The following TAS1R1 variants were observed in gnomAD, a reference collection of about 807,000 sequenced individuals.
TAS1R1 encodes the protein taste receptor type 1 member 1.
Under a neutral mutation model 45.8 loss-of-function variants are expected in TAS1R1, and 31 were observed. That is an observed-to-expected ratio of 0.68 (90% CI 0.51 to 0.91). TAS1R1 has a LOEUF of 0.91. Ranked by LOEUF, TAS1R1 falls within the 40% of genes least tolerant of loss-of-function variation. The probability of loss-of-function intolerance (pLI) is 0.00; values close to 1 mark genes in which losing one functional copy is unlikely to be tolerated. For missense variants in TAS1R1, 1,051 were observed against 1,063.9 expected (o/e 0.99, Z 0.17); for synonymous variants, 437 against 448.4 (o/e 0.97, Z 0.32).
chr1:6,567,503 T>A (rs1226415840), intron 1 of TAS1R1, among the ~76,000 whole-genome samples: 1 of 149,032 alleles, frequency 6.7e-6, no homozygotes, highest in Non-Finnish European at 1.5e-5. Flanking sequence ...GAGCTTGCAG[T>A]GAGCCGAGAT....
At chr1:6,555,804 G>A (rs552032656) in intron 1 of TAS1R1, among the ~76,000 whole-genome samples, 3 of 151,178 alleles carry the variant, frequency 2.0e-5, no homozygotes, top group Non-Finnish European at 4.4e-5. Context: ...ATTGAAATTG[G>A]TTCTTGGCTT....
chr1:6,566,841 C>T (rs932096834), intron 1 of TAS1R1, among the ~76,000 whole-genome samples: 26 of 152,148 alleles, frequency 1.7e-4, no homozygotes, highest in Admixed American at 5.9e-4. Context: ...GTGATCTGCC[C>T]GCCTCGGCCT....
chr1:6,575,116 G>A lies in TAS1R1; in HGVS notation c.984G>A (p.Lys328=), dbSNP rs770060397. 2.5e-6 allele frequency: 4 copies of A among 1,585,812 alleles called. No individual in the cohort carries two copies. The Admixed American group carries it at 7.1e-5, about 28-fold the overall frequency. Residue 328 remains lysine (K), a synonymous_variant, in exon 3 of 6, where the codon AAG becomes AAA. Transcript: ENST00000333172. ...IGMVLGVAIQ[K]RAVPGLKAFE... is the part of the protein sequence containing the mutation. ...TGGTGCTGGGCGTGGCCATCCAGAA[G>A]AGGGCTGTCCCTGGCCTGAAGGCGT...
chr1:6,577,267 C>T (rs1434058606), intron 5 of TAS1R1, among the ~76,000 whole-genome samples, 197 bp downstream of exon 5: 2 of 152,248 alleles, frequency 1.3e-5, no homozygotes, highest in African/African-American at 2.4e-5. Flanking sequence ...GGTGCGGTGG[C>T]TCATGCCTGT....
chr1:6,579,301 T>A lies in TAS1R1; in HGVS notation c.2243T>A (p.Leu748Gln). The change falls in exon 6 of 6, where the codon CTG (leucine) becomes CAG (glutamine). Residue 748 changes from leucine to glutamine, a missense_variant. Physicochemically the swap from Leu to Gln is moderately radical, Grantham distance 113 (BLOSUM62 -2). Transcript: ENST00000333172. ...ATCAGTGCCTTTGCCTGCAGCTACC[T>A]GGGTAAGGACTTGCCAGAGAACTAC... ...LSISAFACSY[L>Q]GKDLPENYNE... 1 of 1,614,198 alleles carries A rather than the reference T, an allele frequency of 6.2e-7. No homozygotes were observed.
intron 1 of TAS1R1, among the ~76,000 whole-genome samples, chr1:6,562,669 C>T (rs767971044): frequency 1.3e-5 from 2 of 152,124 alleles, no homozygotes; most frequent in Non-Finnish European, 2.9e-5. Flanking sequence ...TCTGCGTTGA[C>T]GGACTTGAGC....
Position 6,579,069 on chromosome 1 carries a change from C to T in TAS1R1, c.2011C>T (p.His671Tyr). The T allele has an allele frequency of 6.2e-7, 1 of 1,613,498 alleles. No homozygotes were observed. The highest frequency in any genetic ancestry group is 8.5e-7 in the Non-Finnish European group (1 of 1,179,498). Residue 671 changes from histidine (H) to tyrosine (Y), a missense_variant, in exon 6 of 6, where the codon CAC (histidine) becomes TAC (tyrosine). His to Tyr is a moderately conservative substitution (Grantham distance 83, BLOSUM62 2). Transcript: ENST00000333172. ...KFSTKVPTFY[H>Y]AWVQNHGAGL... is the part of the protein sequence containing the mutation. ...TTCCACCAAGGTACCTACATTCTACCACGCCTGGGTCCAAAACCACGGTGC... is the reference window on the plus strand; with the variant it reads ...TTCCACCAAGGTACCTACATTCTACTACGCCTGGGTCCAAAACCACGGTGC...
In TAS1R1 at chr1:6,579,598, A is replaced by G; in HGVS notation, c.*14A>G. 6.3e-7 allele frequency: 1 copy of G among 1,589,360 alleles called. No individual in the cohort carries two copies. The highest frequency in any genetic ancestry group is 1.1e-5 in the South Asian group (1 of 89,446). On this transcript the variant is annotated 3_prime_UTR_variant, in exon 6 of 6. Coordinates refer to ENST00000333172, the MANE Select transcript of TAS1R1 (RefSeq NM_138697.4). ...GGCTCCACCTGACCAGTGGGTCAGC[A>G]GGCACGGCTGGCAGCCTTCTCTGCC... is the stretch of plus-strand genomic sequence containing the variant.
At chr1:6,576,748 T>G in intron 4 of TAS1R1, 121 bp downstream of exon 4, 1 of 1,384,682 alleles carries the variant, frequency 7.2e-7, no homozygotes, top group Non-Finnish European at 9.9e-7. Context: ...CTGCCACCAC[T>G]CTACCCATCC....
In TAS1R1 at chr1:6,574,814, C is replaced by T. The variant is rs373270644; in HGVS notation, c.682C>T (p.Leu228=). ...DDYGQLGVQA[L]ENQATGQGIC... The stretch of plus-strand genomic sequence containing the variant: ...CTATGGGCAGCTAGGGGTGCAGGCA[C>T]TGGAGAACCAGGCCACTGGTCAGGG... Residue 228 remains leucine (L), a synonymous_variant, in exon 3 of 6, where the codon CTG becomes TTG. Transcript: ENST00000333172. This position sits in a 1 kb window ranked among gnomAD's most constrained non-coding sequence, Gnocchi z 4.3. 14 of 1,614,136 alleles carry T rather than the reference C, an allele frequency of 8.7e-6. No homozygotes were observed. The African/African-American group carries it at 9.3e-5, about 11-fold the overall frequency.
Position 6,570,801 on chromosome 1 carries a change from G to A in TAS1R1, c.192-108G>A, listed in dbSNP as rs901322065. 2.0e-5 allele frequency: 20 copies of A among 999,872 alleles called. No homozygotes were observed. The East Asian group carries it at 3.0e-4, about 15-fold the overall frequency. 61.9% of individuals were successfully genotyped at this position (999,872 alleles called of 1,614,324 possible). A position where few individuals can be genotyped will look rare whatever the true frequency, so the allele number is the denominator to read the frequency against. On this transcript the variant is annotated intron_variant, in intron 1 of 5. Coordinates refer to ENST00000333172, the MANE Select transcript of TAS1R1 (RefSeq NM_138697.4). ...AAGTTGTGGTTTGGGGGACTGGACCGATGACCTCAAAGGTTCCCTTTGCTC... is the reference window on the plus strand; with the variant it reads ...AAGTTGTGGTTTGGGGGACTGGACCAATGACCTCAAAGGTTCCCTTTGCTC...
rs562415754 is a variant in TAS1R1 at position 6,575,295 on chromosome 1, A to G, written c.1163A>G (p.Asn388Ser). 13 of 1,612,976 alleles carry G rather than the reference A, an allele frequency of 8.1e-6. No homozygotes were observed. Among genetic ancestry groups the G allele is most frequent in the Middle Eastern group, 1.7e-4 (1 of 6,060 alleles). The change falls in exon 3 of 6, where the codon AAC (asparagine) becomes AGC (serine). Residue 388 changes from asparagine (N) to serine (S), a missense_variant. Asn to Ser is a conservative substitution (Grantham distance 46). Coordinates refer to ENST00000333172, the MANE Select transcript of TAS1R1 (RefSeq NM_138697.4). ...GCCTTCTCCATGAGTTCTGCCTACAACGCATACCGGGCTGTGTATGCGGTG... is the reference window on the plus strand; with the variant it reads ...GCCTTCTCCATGAGTTCTGCCTACAGCGCATACCGGGCTGTGTATGCGGTG... ...LKAFSMSSAY[N>S]AYRAVYAVAH...
intron 1 of TAS1R1, among the ~76,000 whole-genome samples, chr1:6,564,388 G>A (rs944243298): frequency 1.3e-5 from 2 of 152,130 alleles, no homozygotes; most frequent in African/African-American, 4.8e-5. Flanking sequence ...TATTCTCCTA[G>A]CTGAGAGTTA....
At position 6,571,226 on chromosome 1, in the gene TAS1R1, G is replaced by C; in HGVS notation, c.498+11G>C. ...TTCCTGGTGCCCATGGTAAGCTGGA[G>C]CCTCAGACCTTTGCCCATCTCCCTT... On this transcript the variant is annotated intron_variant, in intron 2 of 5. Transcript: ENST00000333172. 2 of 1,544,792 alleles carry C rather than the reference G, an allele frequency of 1.3e-6. No individual in the cohort carries two copies. The highest frequency in any genetic ancestry group is 1.7e-6 in the Non-Finnish European group (2 of 1,146,410).
rs1640196548 is a variant in TAS1R1, at chr1:6,576,957, A to T, written c.1481A>T (p.Lys494Met). 5 of 1,614,200 alleles carry T rather than the reference A, an allele frequency of 3.1e-6. No homozygotes were observed. Among genetic ancestry groups the T allele is most frequent in the Non-Finnish European group, 4.2e-6 (5 of 1,180,020 alleles). Reference sequence around the variant, plus strand: ...CCCTCTGGCTTCTTACAGGTGCCTAAGTCTGTGTGTTCCAGCGACTGTCTT... The same window carrying T: ...CCCTCTGGCTTCTTACAGGTGCCTATGTCTGTGTGTTCCAGCGACTGTCTT... ...QWHGKDNQVP[K>M]SVCSSDCLEG... The change falls in exon 5 of 6, where the codon AAG (lysine) becomes ATG (methionine). Residue 494 changes from lysine (K) to methionine (M), a missense_variant. Lys to Met is a moderately conservative substitution (Grantham distance 95). Transcript: ENST00000333172.
At chr1:6,577,426 T>G (rs1640209693) in intron 5 of TAS1R1, among the ~76,000 whole-genome samples, 1 of 151,108 alleles carries the variant, frequency 6.6e-6, no homozygotes, top group Non-Finnish European at 1.5e-5. Context: ...TCCCAGCTAC[T>G]CGGGAGGCTG....
chr1:6,579,653 G>GTGTC lies in TAS1R1; in HGVS notation c.*70_*73dup, dbSNP rs1406817103. On this transcript the variant is annotated 3_prime_UTR_variant, in exon 6 of 6. Transcript: ENST00000333172. ...GGGTCGAAGGTCGAGCAGGCCGGGGGTGTCCGGGAGGTCTTTGGGCATCGC... is the reference window on the plus strand; with the variant it reads ...GGGTCGAAGGTCGAGCAGGCCGGGGGTGTCTGTCCGGGAGGTCTTTGGGCATCGC... 1.5e-5 allele frequency: 23 copies of GTGTC among 1,526,618 alleles called. No homozygotes were observed. In the Admixed American group the frequency reaches 4.5e-4, roughly 30 times the overall value. 94.6% of individuals were successfully genotyped at this position (1,526,618 alleles called of 1,614,324 possible).
chr1:6,577,470 G>A (rs1179987435), intron 5 of TAS1R1, among the ~76,000 whole-genome samples: 1 of 151,532 alleles, frequency 6.6e-6, no homozygotes, highest in Non-Finnish European at 1.5e-5. Flanking sequence ...AGGAGGCGGA[G>A]GTTGCAGTGA....
At chr1:6,577,654 A>G (rs1225716471) in intron 5 of TAS1R1, among the ~76,000 whole-genome samples, 1 of 150,908 alleles carries the variant, frequency 6.6e-6, no homozygotes, top group Non-Finnish European at 1.5e-5. Flanking sequence ...GTGAAACCCC[A>G]TCTCTACTAA....
Sources: allele counts gnomAD v4.1 joint callset (sites outside exome capture counted in the v4.1 genomes callset), GRCh38; gene constraint gnomAD v4.1.1; non-coding constraint Gnocchi (gnomAD v3.1); transcripts MANE v1.5; gene names NCBI Gene and HGNC (gene_info 2026-07-23, HGNC 2026-07-21).